The following XIRP2 variants were observed in gnomAD, a reference collection of about 807,000 sequenced individuals.
The protein encoded by XIRP2 is xin actin binding repeat containing 2.
Under a neutral mutation model 277.0 loss-of-function variants are expected in XIRP2, and 236 were observed. The ratio of observed to expected loss-of-function variants is 0.85; its 90% CI spans 0.77 to 0.95. The LOEUF (loss-of-function observed/expected upper bound fraction) is 0.95, where lower values mean the gene tolerates loss of function less well. XIRP2 is among the 40% of genes least tolerant of loss of function. The pLI, the probability that XIRP2 is intolerant of heterozygous loss-of-function variation, is 0.00. For missense variants in XIRP2, 4,640 were observed against 4,157.5 expected (o/e 1.12, Z -3.19); for synonymous variants, 1,490 against 1,416.5 (o/e 1.05, Z -1.17).
At chr2:167,062,714 A>G (rs1279818655) in intron 2 of XIRP2, among the ~76,000 whole-genome samples, 2 of 151,904 alleles carry the variant, frequency 1.3e-5, no homozygotes, top group Non-Finnish European at 2.9e-5. Context: ...TATTACAGTT[A>G]TTTTTTTCTC....
At chr2:167,090,949 C>T (rs1174531667) in intron 2 of XIRP2, among the ~76,000 whole-genome samples, 5 of 152,108 alleles carry the variant, frequency 3.3e-5, no homozygotes, top group African/African-American at 1.2e-4. Flanking sequence ...TGAGGACAAA[C>T]AGACCATATT....
intron 2 of XIRP2, among the ~76,000 whole-genome samples, chr2:167,064,400 C>T (rs536045909): frequency 9.9e-5 from 15 of 151,954 alleles, no homozygotes; most frequent in African/African-American, 3.4e-4. Context: ...TTTATTTAAT[C>T]CTTTCTTTAT....
chr2:166,974,135 G>A (rs575788639), intron 2 of XIRP2, among the ~76,000 whole-genome samples: 2 of 152,276 alleles, frequency 1.3e-5, no homozygotes, highest in South Asian at 4.1e-4. Context: ...ATTGCGATCT[G>A]TGTTTCTGTG....
In XIRP2 at chr2:166,981,791, G is replaced by A. The variant is rs537401745; in HGVS notation, c.408+77901G>A. ...GTCATCTTAAAGTGAGGACATATAC[G>A]AAGACCCTATTTCCAAATAAGGTCA... is the stretch of plus-strand genomic sequence containing the variant. On this transcript the variant is annotated intron_variant, in intron 2 of 10. Coordinates refer to ENST00000409195, the MANE Select transcript of XIRP2 (RefSeq NM_152381.6). Among the ~76,000 whole-genome samples, 26 of 152,238 alleles carry A rather than the reference G, an allele frequency of 1.7e-4. No individual in the cohort carries two copies. In the East Asian group the frequency reaches 2.1e-3, roughly 12 times the overall value.
chr2:166,913,246 G>C (rs1432355852), intron 2 of XIRP2, among the ~76,000 whole-genome samples: 1 of 151,952 alleles, frequency 6.6e-6, no homozygotes, highest in Non-Finnish European at 1.5e-5. Context: ...GCTGCGGTGG[G>C]CTCCACCCAG....
rs192342896 is a variant in XIRP2 at position 167,092,234 on chromosome 2, C to T, written c.409-43675C>T. Among the ~76,000 whole-genome samples the T allele has an allele frequency of 3.3e-5, 5 of 152,214 alleles. No homozygotes were observed. In the East Asian group the frequency reaches 9.7e-4, roughly 29 times the overall value. ...AATTATTTTGCTCACTTTATAAATA[C>T]TTTGCCTTAGAGTACCACATTATTT... On this transcript the variant is annotated intron_variant, in intron 2 of 10. Transcript: ENST00000409195.
intron 2 of XIRP2, among the ~76,000 whole-genome samples, chr2:167,067,327 C>T (rs1438755018): frequency 6.6e-6 from 1 of 151,802 alleles, no homozygotes; most frequent in Non-Finnish European, 1.5e-5. Context: ...GCTGTCAGTC[C>T]CAACCAGTGT....
At chr2:166,978,413 G>A (rs1311013756) in intron 2 of XIRP2, among the ~76,000 whole-genome samples, 1 of 152,108 alleles carries the variant, frequency 6.6e-6, no homozygotes, top group Non-Finnish European at 1.5e-5. Context: ...TTTTAGAAGA[G>A]CTTGGGGAGA....
At chr2:167,110,356 G>A (rs371459785) in intron 2 of XIRP2, among the ~76,000 whole-genome samples, 8 of 152,102 alleles carry the variant, frequency 5.3e-5, no homozygotes, top group South Asian at 2.1e-4. Flanking sequence ...TGTAGTATAA[G>A]GTAAGGGTCC....
intron 2 of XIRP2, among the ~76,000 whole-genome samples, chr2:167,126,474 C>G (rs1691209632): frequency 6.6e-6 from 1 of 152,074 alleles, no homozygotes; most frequent in African/African-American, 2.4e-5. Context: ...CAGGAGCATA[C>G]AGATGAGGAA....
intron 2 of XIRP2, among the ~76,000 whole-genome samples, chr2:167,134,497 T>C (rs1335940443): frequency 1.3e-5 from 2 of 152,068 alleles, no homozygotes; most frequent in African/African-American, 2.4e-5. Context: ...GACTCACTCA[T>C]GTCTGTGTAC....
intron 2 of XIRP2, among the ~76,000 whole-genome samples, chr2:167,055,068 G>C (rs1443236472): frequency 2.6e-5 from 4 of 152,192 alleles, no homozygotes; most frequent in Non-Finnish European, 5.9e-5. Flanking sequence ...TCATGCATCT[G>C]TGGTCTTGAA....
chr2:166,891,349 A>G (rs1292573643), intron 1 of XIRP2, among the ~76,000 whole-genome samples: 1 of 152,198 alleles, frequency 6.6e-6, no homozygotes, highest in South Asian at 2.1e-4. Flanking sequence ...TTTTTTACAT[A>G]TATGAATTAT....
At chr2:167,094,642 T>C (rs145682516) in intron 2 of XIRP2, among the ~76,000 whole-genome samples, 2,725 of 152,304 alleles carry the variant, frequency 0.018, 35 homozygotes, top group Non-Finnish European at 0.026. Flanking sequence ...TGTGGTGTTA[T>C]TTCTGAGGCC....
At chr2:167,125,358 C>A (rs1039550054) in intron 2 of XIRP2, among the ~76,000 whole-genome samples, 7 of 152,116 alleles carry the variant, frequency 4.6e-5, no homozygotes, top group Non-Finnish European at 1.0e-4. Flanking sequence ...CCATTCTAGC[C>A]TACATTATTT....
At chr2:167,185,139 T>A (rs1482718379) in intron 3 of XIRP2, among the ~76,000 whole-genome samples, 1 of 152,186 alleles carries the variant, frequency 6.6e-6, no homozygotes, top group Non-Finnish European at 1.5e-5. Context: ...ATTGTCTTCA[T>A]GACTAAAATG....
At chr2:166,967,789 T>G (rs989362832) in intron 2 of XIRP2, among the ~76,000 whole-genome samples, 1 of 151,954 alleles carries the variant, frequency 6.6e-6, no homozygotes, top group Non-Finnish European at 1.5e-5. Context: ...AAATTTTATT[T>G]ACATTATTCT....
chr2:167,013,151 T>G (rs1687728342), intron 2 of XIRP2, among the ~76,000 whole-genome samples: 1 of 151,408 alleles, frequency 6.6e-6, no homozygotes, highest in Non-Finnish European at 1.5e-5. Context: ...ATGTCAGTTA[T>G]TTTCTCTTTG....
chr2:167,209,111 A>T (rs982882506), intron 3 of XIRP2, among the ~76,000 whole-genome samples: 1 of 152,210 alleles, frequency 6.6e-6, no homozygotes. Flanking sequence ...TGTCATAAAC[A>T]TAATCAACAT....
Sources: allele counts gnomAD v4.1 joint callset (sites outside exome capture counted in the v4.1 genomes callset), GRCh38; gene constraint gnomAD v4.1.1; transcripts MANE v1.5; gene names NCBI Gene and HGNC (gene_info 2026-07-23, HGNC 2026-07-21).